The following MAP2K4 variants were observed in gnomAD, a reference collection of about 807,000 sequenced individuals.
The protein encoded by MAP2K4 is dual specificity mitogen-activated protein kinase kinase 4.
MAP2K4 carries 4 observed loss-of-function variants against 48.5 expected under a neutral mutation model. The observed-to-expected ratio is 0.08, with a 90% CI of 0.04 to 0.19. MAP2K4 has a LOEUF of 0.19. MAP2K4 is among the 10% of genes least tolerant of loss of function. The pLI is 1.00. For missense variants in MAP2K4, 258 were observed against 493.3 expected (o/e 0.52, Z 4.52); for synonymous variants, 166 against 173.1 (o/e 0.96, Z 0.32).
At chr17:12,077,061 A>G (rs1789392297) in intron 2 of MAP2K4, among the ~76,000 whole-genome samples, 1 of 152,238 alleles carries the variant, frequency 6.6e-6, no homozygotes, top group African/African-American at 2.4e-5. Flanking sequence ...CAGGGTATCA[A>G]ACATCAGGAA....
At chr17:12,123,586 A>G (rs1299282792) in intron 7 of MAP2K4, among the ~76,000 whole-genome samples, 2 of 149,742 alleles carry the variant, frequency 1.3e-5, no homozygotes, top group Non-Finnish European at 3.0e-5. Context: ...TTTGTATTTC[A>G]TTTGTTCTTT....
intron 4 of MAP2K4, among the ~76,000 whole-genome samples, chr17:12,103,163 C>G (rs1425396882): frequency 1.3e-5 from 2 of 151,714 alleles, no homozygotes. Flanking sequence ...CATCAGTCTC[C>G]TGAGTAGCTG....
At position 12,129,261 on chromosome 17, in the gene MAP2K4, G is replaced by A. The variant is rs373999106; in HGVS notation, c.1014G>A (p.Pro338=). The part of the protein sequence containing the change: ...LSNSEEREFS[P]SFINFVNLCL... ...ATTCTGAGGAAAGGGAATTCTCCCC[G>A]AGTTTCATCAACTTTGTCAACTTGT... The change falls in exon 9 of 11, where the codon CCG becomes CCA. Residue 338 remains proline, a synonymous_variant. Transcript: ENST00000353533. 9 of 1,614,086 alleles carry A rather than the reference G, an allele frequency of 5.6e-6. No homozygotes were observed. Among genetic ancestry groups the A allele is most frequent in the African/African-American group, 4.0e-5 (3 of 74,932 alleles).
intron 4 of MAP2K4, among the ~76,000 whole-genome samples, chr17:12,102,624 G>A (rs1269207570): frequency 6.6e-6 from 1 of 151,946 alleles, no homozygotes; most frequent in Non-Finnish European, 1.5e-5. Flanking sequence ...AGTATTTGAT[G>A]GAATTTACCA....
intron 3 of MAP2K4, among the ~76,000 whole-genome samples, chr17:12,086,563 C>T (rs546738821): frequency 2.9e-4 from 44 of 152,134 alleles, no homozygotes; most frequent in African/African-American, 1.0e-3. Flanking sequence ...CAGTACTGTT[C>T]GGGGTTATGT....
chr17:12,106,985 GTCATAGGATGATTC>G (rs1972136044), intron 4 of MAP2K4, among the ~76,000 whole-genome samples: 2 of 151,912 alleles, frequency 1.3e-5, no homozygotes, highest in Admixed American at 1.3e-4. Context: ...TACATTCCCA[GTCATAGGATGATTC>G]TATAAAATGG....
At chr17:12,120,876 G>C (rs1972665564) in intron 7 of MAP2K4, among the ~76,000 whole-genome samples, 1 of 152,228 alleles carries the variant, frequency 6.6e-6, no homozygotes, top group Non-Finnish European at 1.5e-5. Context: ...GCTTGTAGCT[G>C]TTTGTTGTAG....
Position 12,129,248 on chromosome 17 carries a change from G to C in MAP2K4, c.1001G>C (p.Arg334Thr). The C allele has an allele frequency of 6.2e-7, 1 of 1,614,258 alleles. No homozygotes were observed. The highest frequency in any genetic ancestry group is 8.5e-7 in the Non-Finnish European group (1 of 1,180,034). Residue 334 changes from arginine to threonine, a missense_variant, in exon 9 of 11, where the codon AGG (arginine) becomes ACG (threonine). Coordinates refer to ENST00000353533, the MANE Select transcript of MAP2K4 (RefSeq NM_003010.4). ...CCGCAGCTGAGTAATTCTGAGGAAA[G>C]GGAATTCTCCCCGAGTTTCATCAAC... ...DPPQLSNSEE[R>T]EFSPSFINFV...
intron 1 of MAP2K4, among the ~76,000 whole-genome samples, chr17:12,044,679 C>G (rs533523615): frequency 6.6e-6 from 1 of 152,292 alleles, no homozygotes; most frequent in South Asian, 2.1e-4. Flanking sequence ...GCTGGGTGTC[C>G]TCCAGTTCAA....
intron 9 of MAP2K4, 62 bp downstream of exon 9, chr17:12,129,349 C>A (rs1052025132): frequency 3.9e-5 from 63 of 1,597,402 alleles, no homozygotes; most frequent in Non-Finnish European, 4.9e-5. Flanking sequence ...TTTACTTGGT[C>A]TTAGCAGCAT....
intron 7 of MAP2K4, among the ~76,000 whole-genome samples, chr17:12,114,861 G>A (rs1972435646): frequency 6.6e-6 from 1 of 152,134 alleles, no homozygotes; most frequent in Admixed American, 6.6e-5. Flanking sequence ...TGCTTTGCAG[G>A]CCCAGGAGAT....
At chr17:12,103,040 A>T (rs1286304906) in intron 4 of MAP2K4, among the ~76,000 whole-genome samples, 2 of 125,044 alleles carry the variant, frequency 1.6e-5, no homozygotes, top group African/African-American at 3.0e-5. Context: ...TCTTATCTTT[A>T]AAAAAAAAAA....
rs1286457201 is a variant in MAP2K4, at chr17:12,141,940, A to G, written c.*680A>G. The G allele has an allele frequency of 1.3e-5, 3 of 233,302 alleles. No individual in the cohort carries two copies. Among genetic ancestry groups the G allele is most frequent in the South Asian group, 1.8e-4 (1 of 5,532 alleles). The allele number at this position is 233,302 out of a possible 1,614,324, so 14.5% of individuals were successfully genotyped here. ...GAGGTGAACATTAAAATATAGAGAC[A>G]GGACAGAATGTGTTCTTTTCTCCTT... On this transcript the variant is annotated 3_prime_UTR_variant, in exon 11 of 11. Coordinates refer to ENST00000353533, the MANE Select transcript of MAP2K4 (RefSeq NM_003010.4).
chr17:12,066,156 G>T, intron 2 of MAP2K4, among the ~76,000 whole-genome samples: 1 of 148,584 alleles, frequency 6.7e-6, no homozygotes. Context: ...TTTTAATACA[G>T]AGAAAGTATA....
At chr17:12,080,727 TA>T (rs543073330) in intron 2 of MAP2K4, among the ~76,000 whole-genome samples, 1 of 152,172 alleles carries the variant, frequency 6.6e-6, no homozygotes, top group Non-Finnish European at 1.5e-5. Context: ...GACAGTATAC[TA>T]AGGCACTAGT....
chr17:12,047,922 A>G (rs1308409733), intron 1 of MAP2K4, among the ~76,000 whole-genome samples: 1 of 152,198 alleles, frequency 6.6e-6, no homozygotes, highest in Non-Finnish European at 1.5e-5. Context: ...TCTTGTTTGT[A>G]TCTTGATTAG....
chr17:12,137,333 G>T (rs942891043), intron 9 of MAP2K4, among the ~76,000 whole-genome samples: 3 of 152,156 alleles, frequency 2.0e-5, no homozygotes, highest in African/African-American at 7.2e-5. Context: ...AGTTGAAATA[G>T]ATTTATGAAA....
At chr17:12,106,149 GT>G (rs1483071449) in intron 4 of MAP2K4, among the ~76,000 whole-genome samples, 1 of 151,874 alleles carries the variant, frequency 6.6e-6, no homozygotes, top group Non-Finnish European at 1.5e-5. Context: ...TATTGAGGTT[GT>G]TTCTTTCTAC....
At chr17:12,040,161 G>T (rs1969733978) in intron 1 of MAP2K4, among the ~76,000 whole-genome samples, 1 of 152,134 alleles carries the variant, frequency 6.6e-6, no homozygotes, top group African/African-American at 2.4e-5. Flanking sequence ...CTTTCATCTG[G>T]TAGTTCTGGC....
Sources: gnomAD v4.1 joint callset for allele counts (sites outside exome capture counted in the v4.1 genomes callset) on GRCh38, gnomAD v4.1.1 for gene constraint, MANE v1.5 for transcripts, NCBI Gene and HGNC (gene_info 2026-07-23, HGNC 2026-07-21) for gene names.